Variants in SUN1 observed in about 807,000 individuals in gnomAD.
SUN1 encodes the protein Sad1 and UNC84 domain containing 1.
Under a neutral mutation model 103.2 loss-of-function variants are expected in SUN1, and 61 were observed. That is an observed-to-expected ratio of 0.59 (90% CI 0.48 to 0.73). The LOEUF (loss-of-function observed/expected upper bound fraction) is 0.73. Ranked by LOEUF, SUN1 falls within the 30% of genes least tolerant of loss-of-function variation. The probability of loss-of-function intolerance (pLI) is 0.00; values close to 1 mark genes in which losing one functional copy is unlikely to be tolerated. For synonymous variants in SUN1, 490 were observed against 425.7 expected, an observed-to-expected ratio of 1.15 and a Z score of -1.86; for missense variants, 1,052 against 1,034.6, an observed-to-expected ratio of 1.02 and a Z score of -0.23.
At chr7:835,430 C>T (rs1802117282) in intron 1 of SUN1, among the ~76,000 whole-genome samples, 1 of 152,234 alleles carries the variant, frequency 6.6e-6, no homozygotes, top group African/African-American at 2.4e-5. Flanking sequence ...TTTAAAAGGG[C>T]TTCTTAATGT....
At position 851,408 on chromosome 7, in the gene SUN1, G is replaced by T. The variant is rs773328901; in HGVS notation, c.683G>T (p.Arg228Leu). The T allele has an allele frequency of 6.2e-7, 1 of 1,608,042 alleles. No homozygotes were observed. Among genetic ancestry groups the T allele is most frequent in the Non-Finnish European group, 8.5e-7 (1 of 1,177,222 alleles). The change falls in exon 6 of 19, where the codon CGC (arginine) becomes CTC (leucine). Residue 228 changes from arginine to leucine, a missense_variant. Coordinates refer to ENST00000401592, the MANE Select transcript of SUN1 (RefSeq NM_001130965.3). ...GGTTACTTCTTGCTGCAGATTCTGCGCAGGATCGGAGCTGTGGGCCAGGCT... is the reference window on the plus strand; with the variant it reads ...GGTTACTTCTTGCTGCAGATTCTGCTCAGGATCGGAGCTGTGGGCCAGGCT... ...QKCYFLLQIL[R>L]RIGAVGQAVS... is the part of the protein sequence containing the mutation.
At position 838,849 on chromosome 7, in the gene SUN1, C is replaced by G. The variant is rs940678630; in HGVS notation, c.129C>G (p.Asp43Glu). Residue 43 changes from aspartate (D) to glutamate (E), a missense_variant, in exon 2 of 19, where the codon GAC becomes GAG. By Grantham distance (45) the Asp-to-Glu change is conservative (BLOSUM62 2). Transcript: ENST00000401592. ...ATTTTGAGACGGAGCACAAATTGGA[C>G]CCTGTATTTGATTCTCCACGGATGT... Reference protein sequence around the residue: ...ALDFETEHKLDPVFDSPRMSR... With the variant: ...ALDFETEHKLEPVFDSPRMSR... The G allele has an allele frequency of 6.3e-7, 1 of 1,581,380 alleles. No homozygotes were observed. Among genetic ancestry groups the G allele is most frequent in the South Asian group, 1.2e-5 (1 of 86,240 alleles).
intron 1 of SUN1, among the ~76,000 whole-genome samples, chr7:836,112 A>T (rs974391788): frequency 2.6e-5 from 4 of 152,176 alleles, no homozygotes; most frequent in Non-Finnish European, 4.4e-5. Context: ...GGGGAGGTGG[A>T]GAGGCGTGGC....
intron 5 of SUN1, chr7:848,435 G>A (rs371744989): frequency 3.2e-5 from 43 of 1,359,690 alleles, no homozygotes; most frequent in Middle Eastern, 2.1e-4. Context: ...GTCTTTCTAC[G>A]TGAATAGGAT....
At chr7:841,261 T>TTTTG (rs1809557412) in intron 2 of SUN1, among the ~76,000 whole-genome samples, 1 of 147,434 alleles carries the variant, frequency 6.8e-6, no homozygotes. Context: ...TTTTTTTTTT[T>TTTTG]GAGCCGGAGT....
intron 1 of SUN1, chr7:817,255 C>T (rs1554259440): frequency 3.0e-6 from 2 of 675,714 alleles, no homozygotes; most frequent in Admixed American, 2.4e-5. Context: ...CCACCGCGCC[C>T]GGCTGATAGT....
intron 2 of SUN1, chr7:839,328 G>GTA (rs1405367363): frequency 3.9e-6 from 1 of 258,526 alleles, no homozygotes; most frequent in African/African-American, 2.2e-5. Context: ...TACCACATGT[G>GTA]TAAAGAGGAA....
Position 851,674 on chromosome 7 carries a change from C to T in SUN1, c.757+192C>T, listed in dbSNP as rs935351130. 9.0e-6 allele frequency: 6 copies of T among 667,198 alleles called. No homozygotes were observed. In the African/African-American group the frequency reaches 1.1e-4, roughly 12 times the overall value. 41.3% of individuals were successfully genotyped at this position (667,198 alleles called of 1,614,324 possible). A position where few individuals can be genotyped will look rare whatever the true frequency, so the allele number is the denominator to read the frequency against. ...CTTGCTGCATGAGCGCCCTTGGTTT[C>T]TCTGGGGTTGGGTCTGGGGGAAGTC... On this transcript the variant is annotated intron_variant, in intron 6 of 18. Transcript: ENST00000401592.
chr7:872,113 G>A (rs945383124), intron 17 of SUN1, among the ~76,000 whole-genome samples: 4 of 152,206 alleles, frequency 2.6e-5, no homozygotes, highest in Non-Finnish European at 4.4e-5. Context: ...CTCAGCAGGT[G>A]CTCCAGAGCT....
chr7:842,473 C>G (rs1811053307), intron 3 of SUN1: 1 of 247,988 alleles, frequency 4.0e-6, no homozygotes, highest in Admixed American at 5.0e-5. Flanking sequence ...AAATGCATTA[C>G]TTTTGTAGGA....
intron 1 of SUN1, among the ~76,000 whole-genome samples, chr7:837,060 A>T (rs1194411922): frequency 6.6e-6 from 1 of 152,242 alleles, no homozygotes; most frequent in Non-Finnish European, 1.5e-5. Flanking sequence ...CACACCTGCA[A>T]CATGGTGAGC....
intron 10 of SUN1, among the ~76,000 whole-genome samples, chr7:854,142 T>C (rs1293541304): frequency 6.6e-6 from 1 of 152,196 alleles, no homozygotes; most frequent in African/African-American, 2.4e-5. Flanking sequence ...TCAGAACCGT[T>C]GCGTGAAAAC....
At chr7:843,145 CTTAT>C in intron 3 of SUN1, 57 bp from the exon 4 acceptor site, 1 of 1,592,966 alleles carries the variant, frequency 6.3e-7, no homozygotes, top group Non-Finnish European at 8.5e-7. Context: ...GGGTTTTGTT[CTTAT>C]TTGATAAGCT....
chr7:870,274 T>C (rs956231468), intron 17 of SUN1, among the ~76,000 whole-genome samples: 1 of 151,674 alleles, frequency 6.6e-6, no homozygotes, highest in Non-Finnish European at 1.5e-5. Flanking sequence ...TCATAAAGTA[T>C]TTCATAAAAG....
intron 5 of SUN1, among the ~76,000 whole-genome samples, chr7:849,076 C>T (rs1199946782): frequency 3.9e-5 from 6 of 152,102 alleles, no homozygotes; most frequent in Non-Finnish European, 5.9e-5. Context: ...CTCAGCCTCC[C>T]AAGTAGCTGG....
chr7:852,489 A>G, intron 7 of SUN1, 120 bp from the exon 8 acceptor site: 1 of 1,211,336 alleles, frequency 8.3e-7, no homozygotes, highest in South Asian at 1.3e-5. Flanking sequence ...ATAAAACCGT[A>G]ACTGCTTTTC....
At chr7:843,616 A>G in intron 5 of SUN1, 96 bp downstream of exon 5, 1 of 1,606,786 alleles carries the variant, frequency 6.2e-7, no homozygotes, top group Middle Eastern at 1.7e-4. Flanking sequence ...TTTGTCTTGG[A>G]GACTTAAAAT....
intron 1 of SUN1, among the ~76,000 whole-genome samples, chr7:824,407 G>A (rs1347078504): frequency 1.3e-5 from 2 of 152,134 alleles, no homozygotes; most frequent in African/African-American, 2.4e-5. Context: ...TTTGGTTGGC[G>A]GTCCCCATCG....
Position 854,236 on chromosome 7 carries a change from G to A in SUN1, c.1263+618G>A, listed in dbSNP as rs548895090. Among the ~76,000 whole-genome samples the A allele has an allele frequency of 6.6e-5, 10 of 152,378 alleles. No homozygotes were observed. In the South Asian group the frequency reaches 1.2e-3, roughly 19 times the overall value. Reference sequence around the variant, plus strand: ...CTGTTCTTAAGCCGTCTTCCAGCACGTGCCTGTGGGTGTGATCATGGCGGC... The same window carrying A: ...CTGTTCTTAAGCCGTCTTCCAGCACATGCCTGTGGGTGTGATCATGGCGGC... On this transcript the variant is annotated intron_variant, in intron 10 of 18. Transcript: ENST00000401592.
Sources: allele counts gnomAD v4.1 joint callset (sites outside exome capture counted in the v4.1 genomes callset), GRCh38; gene constraint gnomAD v4.1.1; transcripts MANE v1.5; gene names NCBI Gene and HGNC (gene_info 2026-07-23, HGNC 2026-07-21).